MAPK10: variants seen among roughly 807,000 people sequenced by gnomAD.
The protein encoded by MAPK10 is JNK3 alpha protein kinase.
Under a neutral mutation model 59.3 loss-of-function variants are expected in MAPK10, and 25 were observed. The ratio of observed to expected loss-of-function variants is 0.42; its 90% CI spans 0.31 to 0.59. MAPK10 has a LOEUF of 0.59. MAPK10 is among the 20% of genes least tolerant of loss of function. The pLI, the probability that MAPK10 is intolerant of heterozygous loss-of-function variation, is 0.15. For missense variants in MAPK10, 351 were observed against 568.9 expected (o/e 0.62, Z 3.90); for synonymous variants, 190 against 200.5 (o/e 0.95, Z 0.44).
At chr4:86,309,306 C>T (rs751252004) in intron 2 of MAPK10, among the ~76,000 whole-genome samples, 5 of 152,186 alleles carry the variant, frequency 3.3e-5, no homozygotes, top group Non-Finnish European at 7.3e-5. Context: ...CTTTCCATCG[C>T]TGGGGCAGGC....
In MAPK10 at chr4:86,448,643, A is replaced by G. The variant is rs151031758; in HGVS notation, c.-122+4387T>C. Among the ~76,000 whole-genome samples, 916 of 152,290 alleles carry G rather than the reference A, an allele frequency of 6.0e-3. 7 individuals are homozygous for G. The highest frequency in any genetic ancestry group is 0.02 in the African/African-American group (819 of 41,552). Reference sequence around the variant, plus strand: ...TTTGTTCCATTACAGCTTCTAACCCAGCACTCCCCAACATTTTTGGCACCA... The same window carrying G: ...TTTGTTCCATTACAGCTTCTAACCCGGCACTCCCCAACATTTTTGGCACCA... On this transcript the variant is annotated intron_variant, in intron 1 of 13. Coordinates refer to the MAPK10 transcript ENST00000361569.
At chr4:86,137,044 AGT>A (rs1318357542) in intron 4 of MAPK10, among the ~76,000 whole-genome samples, 2 of 151,608 alleles carry the variant, frequency 1.3e-5, no homozygotes, top group Admixed American at 1.3e-4. Flanking sequence ...GCAAGTCCTG[AGT>A]GACCTACAAA....
rs1037864502 is a variant in MAPK10, at chr4:86,451,501, T to C, written c.-122+1529A>G. ...GGATACTAACTCAAACAAACTACTT[T>C]AAGTTGACTTCCCCAGAACCAGACC... On this transcript the variant is annotated intron_variant, in intron 1 of 13. Coordinates refer to the MAPK10 transcript ENST00000361569. Among the ~76,000 whole-genome samples the C allele has an allele frequency of 2.0e-5, 3 of 152,204 alleles. No individual in the cohort carries two copies. The East Asian group carries it at 5.8e-4, about 29-fold the overall frequency.
chr4:86,541,486 A>G (rs1002495382), intron 1 of MAPK10, among the ~76,000 whole-genome samples: 1 of 152,214 alleles, frequency 6.6e-6, no homozygotes, highest in African/African-American at 2.4e-5. Context: ...GGGGAGAAGA[A>G]GTGGTAGAAA....
At chr4:86,180,933 G>A (rs116558504) in intron 3 of MAPK10, among the ~76,000 whole-genome samples, 12,902 of 152,068 alleles carry the variant, frequency 0.085, 1,215 homozygotes, top group African/African-American at 0.23. Flanking sequence ...GTGTTCTACA[G>A]CACTGTAGGG....
chr4:86,358,170 ATATT>A (rs1008003784), intron 1 of MAPK10: 64 of 982,528 alleles, frequency 6.5e-5, no homozygotes, highest in Non-Finnish European at 7.4e-5. Flanking sequence ...ATATACTTAT[ATATT>A]TATTTGTTAT....
At chr4:86,262,058 G>A (rs1297505545) in intron 2 of MAPK10, among the ~76,000 whole-genome samples, 1 of 152,224 alleles carries the variant, frequency 6.6e-6, no homozygotes, top group Non-Finnish European at 1.5e-5. Flanking sequence ...GTTGCGCTAT[G>A]ATTTGTTATG....
chr4:86,267,766 A>G (rs1339908933), intron 2 of MAPK10, among the ~76,000 whole-genome samples: 1 of 151,978 alleles, frequency 6.6e-6, no homozygotes, highest in East Asian at 1.9e-4. Context: ...GTCAAACAAC[A>G]CCTTATTAAA....
At chr4:86,281,196 C>T (rs1370670398) in intron 2 of MAPK10, among the ~76,000 whole-genome samples, 3 of 152,094 alleles carry the variant, frequency 2.0e-5, no homozygotes, top group Non-Finnish European at 2.9e-5. Flanking sequence ...ACCAATATCC[C>T]ATAACCCAGT....
intron 4 of MAPK10, among the ~76,000 whole-genome samples, chr4:86,157,214 A>G (rs547024679): frequency 2.0e-5 from 3 of 152,148 alleles, no homozygotes; most frequent in South Asian, 4.1e-4. Flanking sequence ...TAACCAGAAC[A>G]GTAGAAATGA....
intron 2 of MAPK10, among the ~76,000 whole-genome samples, chr4:86,266,939 T>C (rs1002398123): frequency 3.8e-4 from 58 of 152,076 alleles, no homozygotes; most frequent in African/African-American, 1.4e-3. Context: ...CTTTTGGTGG[T>C]ATGGATGTGT....
chr4:86,515,277 A>G (rs1756569037), intron 1 of MAPK10, among the ~76,000 whole-genome samples: 1 of 152,172 alleles, frequency 6.6e-6, no homozygotes, highest in South Asian at 2.1e-4. Context: ...TGCATTGTGA[A>G]TTGTGCTGTT....
At chr4:86,148,473 C>T (rs1036170527) in intron 4 of MAPK10, among the ~76,000 whole-genome samples, 14 of 151,352 alleles carry the variant, frequency 9.2e-5, no homozygotes, top group South Asian at 6.2e-4. Context: ...GTATGGAAGA[C>T]GGACTAGGAG....
chr4:86,098,375 C>T, intron 9 of MAPK10, 149 bp downstream of exon 9: 2 of 1,188,992 alleles, frequency 1.7e-6, no homozygotes, highest in Non-Finnish European at 2.3e-6. Flanking sequence ...CAGTACTGGT[C>T]AGATTATAGA....
At chr4:86,343,176 C>T (rs1441610878) in intron 2 of MAPK10, among the ~76,000 whole-genome samples, 1 of 152,204 alleles carries the variant, frequency 6.6e-6, no homozygotes, top group Non-Finnish European at 1.5e-5. Context: ...CGCATTTCCA[C>T]CCCAGTGCTG....
intron 1 of MAPK10, among the ~76,000 whole-genome samples, chr4:86,583,390 CTTCCTTGCT>C (rs1762440165): frequency 6.6e-6 from 1 of 152,048 alleles, no homozygotes; most frequent in Non-Finnish European, 1.5e-5. Flanking sequence ...TATGTACTTG[CTTCCTTGCT>C]TTCCTTGCAA....
At chr4:86,051,108 G>A (rs1337613352) in intron 11 of MAPK10, among the ~76,000 whole-genome samples, 1 of 152,042 alleles carries the variant, frequency 6.6e-6, no homozygotes. Context: ...ACAATATATT[G>A]TGGGTCATTA....
intron 2 of MAPK10, among the ~76,000 whole-genome samples, chr4:86,344,114 G>A (rs1026895536): frequency 1.3e-5 from 2 of 152,220 alleles, no homozygotes; most frequent in African/African-American, 2.4e-5. Flanking sequence ...TCTCTCTGCA[G>A]AACCTCATTT....
chr4:86,019,311 T>C (rs1297981362), intron 13 of MAPK10, among the ~76,000 whole-genome samples: 1 of 152,198 alleles, frequency 6.6e-6, no homozygotes, highest in Non-Finnish European at 1.5e-5. Context: ...TTTCATGTTC[T>C]TTAAACTCCT....
Sources: allele counts gnomAD v4.1 joint callset (sites outside exome capture counted in the v4.1 genomes callset), GRCh38; gene constraint gnomAD v4.1.1; transcripts MANE v1.5; gene names NCBI Gene and HGNC (gene_info 2026-07-23, HGNC 2026-07-21).